DCLRE1A: variants seen among roughly 807,000 people sequenced by gnomAD.
DCLRE1A encodes DNA cross-link repair 1A protein.
A neutral mutation model predicts 91.9 loss-of-function variants in DCLRE1A; 64 were observed. That is an observed-to-expected ratio of 0.70 (90% CI 0.57 to 0.86). The LOEUF is 0.86. Among genes scored for constraint, DCLRE1A ranks in the 40% least tolerant of loss-of-function variants. DCLRE1A has a pLI of 0.00. For synonymous variants in DCLRE1A, 416 were observed against 431.1 expected (o/e 0.96, Z 0.43); for missense variants, 1,145 against 1,213.3 (o/e 0.94, Z 0.84).
chr10:113,835,920 C>A (rs564266974), intron 8 of DCLRE1A, among the ~76,000 whole-genome samples: 25 of 152,160 alleles, frequency 1.6e-4, no homozygotes, highest in African/African-American at 5.8e-4. Flanking sequence ...GGCGACACAG[C>A]AAGACTCTTG....
At chr10:113,840,787 T>C (rs578042440) in intron 7 of DCLRE1A, among the ~76,000 whole-genome samples, 2 of 152,270 alleles carry the variant, frequency 1.3e-5, no homozygotes, top group African/African-American at 4.8e-5. Context: ...AATATACAGG[T>C]TTGATGTATT....
At chr10:113,847,358 G>A (rs1564844112) in intron 2 of DCLRE1A, 23 bp from the exon 3 acceptor site, 1 of 1,612,232 alleles carries the variant, frequency 6.2e-7, no homozygotes, top group Non-Finnish European at 8.5e-7. Flanking sequence ...TACCGACACA[G>A]TAGGTTGAGC....
chr10:113,844,232 A>G lies in DCLRE1A; in HGVS notation c.2391T>C (p.Ala797=). The G allele has an allele frequency of 6.2e-7, 1 of 1,614,142 alleles. No homozygotes were observed. Among genetic ancestry groups the G allele is most frequent in the Non-Finnish European group, 8.5e-7 (1 of 1,180,000 alleles). Residue 797 remains alanine (A), a synonymous_variant, in exon 5 of 9, where the codon GCT becomes GCC. Transcript: ENST00000361384. ...VLLDANHCPG[A]VMILFYLPNG... ...TAGGAAGATAAAAGAGGATCATGAC[A>G]GCACCTGGACAGCTGAACACAAATG... is the stretch of plus-strand genomic sequence containing the variant.
rs754152153 is a variant in DCLRE1A at position 113,849,346 on chromosome 10, G to C, written c.1759C>G (p.Pro587Ala). 6.2e-7 allele frequency: 1 copy of C among 1,614,098 alleles called. No individual in the cohort carries two copies. The highest frequency in any genetic ancestry group is 8.5e-7 in the Non-Finnish European group (1 of 1,180,010). ...ESALEGINLN[P>A]VPSPNQKRSS... ...CTCTTTTGATTAGGACTTGGAACTG[G>C]ATTTAAGTTTATCCCTTCTAATGCA... is the stretch of plus-strand genomic sequence containing the variant. Residue 587 changes from proline to alanine, a missense_variant, in exon 2 of 9, where the codon CCA (proline) becomes GCA (alanine). By Grantham distance (27) the Pro-to-Ala change is conservative. Coordinates refer to ENST00000361384, the MANE Select transcript of DCLRE1A (RefSeq NM_014881.5).
chr10:113,845,646 A>G (rs763673870), intron 4 of DCLRE1A, 39 bp downstream of exon 4: 2 of 1,491,712 alleles, frequency 1.3e-6, no homozygotes, highest in Admixed American at 1.7e-5. Context: ...CCTTTTGAAC[A>G]TTTAAAAAAT....
At chr10:113,842,610 TACC>T in intron 5 of DCLRE1A, 122 bp from the exon 6 acceptor site, 1 of 789,984 alleles carries the variant, frequency 1.3e-6, no homozygotes. Flanking sequence ...AATATATTAA[TACC>T]ACAAGTTATC....
At chr10:113,837,266 GATT>G (rs1295641637) in intron 7 of DCLRE1A, 63 bp from the exon 8 acceptor site, 5 of 1,461,918 alleles carry the variant, frequency 3.4e-6, no homozygotes, top group Non-Finnish European at 4.6e-6. Context: ...AAAACAGACT[GATT>G]AAAGATGTTA....
intron 8 of DCLRE1A, 40 bp from the exon 9 acceptor site, chr10:113,835,352 A>G (rs1391286551): frequency 6.6e-7 from 1 of 1,517,520 alleles, no homozygotes. Context: ...CTAAAATCAA[A>G]CTAATTTAAA....
In DCLRE1A at chr10:113,841,436, G is replaced by A; in HGVS notation, c.2790C>T (p.His930=). The change falls in exon 7 of 9, where the codon CAC becomes CAT. Residue 930 remains histidine, a synonymous_variant. Coordinates refer to ENST00000361384, the MANE Select transcript of DCLRE1A (RefSeq NM_014881.5). ...ITTDMCSSLV[H]LLPMMQINFK... is the part of the protein sequence containing the mutation. The stretch of plus-strand genomic sequence containing the variant: ...AATTAATTTGCATCATTGGGAGAAG[G>A]TGAACCAATGAACTGCACATGTCGG... 1.2e-6 allele frequency: 2 copies of A among 1,613,046 alleles called. No individual in the cohort carries two copies. Among genetic ancestry groups the A allele is most frequent in the South Asian group, 2.2e-5 (2 of 90,864 alleles).
At position 113,849,954 on chromosome 10, in the gene DCLRE1A, A is replaced by C; in HGVS notation, c.1151T>G (p.Leu384Trp). ...GLYRFNSLND[L>W]SQPISQNNES... ...ATTATTTTGAGAAATAGGTTGAGAC[A>C]AATCATTTAGACTATTGAATCTATA... The change falls in exon 2 of 9, where the codon TTG (leucine) becomes TGG (tryptophan). Residue 384 changes from leucine (L) to tryptophan (W), a missense_variant. Leu to Trp is a moderately conservative substitution (Grantham distance 61). Coordinates refer to ENST00000361384, the MANE Select transcript of DCLRE1A (RefSeq NM_014881.5). The C allele has an allele frequency of 6.2e-7, 1 of 1,614,166 alleles. No individual in the cohort carries two copies. Among genetic ancestry groups the C allele is most frequent in the Non-Finnish European group, 8.5e-7 (1 of 1,180,036 alleles).
At chr10:113,838,604 T>C (rs1011620523) in intron 7 of DCLRE1A, among the ~76,000 whole-genome samples, 1 of 152,260 alleles carries the variant, frequency 6.6e-6, no homozygotes, top group Non-Finnish European at 1.5e-5. Context: ...AGGAAATTTA[T>C]TAAGAATACT....
chr10:113,851,555 C>T (rs1436885655), intron 1 of DCLRE1A, among the ~76,000 whole-genome samples: 1 of 152,058 alleles, frequency 6.6e-6, no homozygotes, highest in Non-Finnish European at 1.5e-5. Flanking sequence ...ACATTAAATA[C>T]TTATTACATA....
chr10:113,844,169 T>G lies in DCLRE1A; in HGVS notation c.2454A>C (p.Ala818=), dbSNP rs145475739. Residue 818 remains alanine, a synonymous_variant, in exon 5 of 9, where the codon GCA becomes GCC. Transcript: ENST00000361384. ...GAAGAGAACGTTCCATGCTGGGATC[T>G]GCTCTGAAGTCTCCCGTGTGTAATA... ...TVILHTGDFR[A]DPSMERSLLA... 23 of 1,614,090 alleles carry G rather than the reference T, an allele frequency of 1.4e-5. No individual in the cohort carries two copies. In the African/African-American group the frequency reaches 2.8e-4, roughly 20 times the overall value.
At chr10:113,837,321 C>T in intron 7 of DCLRE1A, 118 bp from the exon 8 acceptor site, 1 of 784,494 alleles carries the variant, frequency 1.3e-6, no homozygotes, top group East Asian at 2.8e-5. Context: ...TAAGCATTAG[C>T]TTCAACAACC....
At position 113,853,083 on chromosome 10, in the gene DCLRE1A, A is replaced by C. The variant is rs1450410590; in HGVS notation, c.100T>G (p.Ser34Ala). 1.9e-6 allele frequency: 3 copies of C among 1,611,266 alleles called. No homozygotes were observed. Among genetic ancestry groups the C allele is most frequent in the Non-Finnish European group, 2.5e-6 (3 of 1,179,504 alleles). Residue 34 changes from serine to alanine, a missense_variant, in exon 1 of 9, where the codon TCT becomes GCT. Ser to Ala is a moderately conservative substitution (Grantham distance 99). Coordinates refer to ENST00000361384, the MANE Select transcript of DCLRE1A (RefSeq NM_014881.5). Reference protein sequence around the residue: ...PNNGSKNILKSVEKATDGKYQ... With the variant: ...PNNGSKNILKAVEKATDGKYQ... Reference sequence around the variant, plus strand: ...TTTCCATCTGTTGCTTTTTCAACAGATTTTAGAATATTTTTAGAGCCATTA... The same window carrying C: ...TTTCCATCTGTTGCTTTTTCAACAGCTTTTAGAATATTTTTAGAGCCATTA...
At position 113,852,818 on chromosome 10, in the gene DCLRE1A, C is replaced by G; in HGVS notation, c.365G>C (p.Cys122Ser). ...PKIRPVYDGYCPNCQMPFSSL... is the reference protein window; with the variant it reads ...PKIRPVYDGYSPNCQMPFSSL... ...GGAAAAAGGCATCTGGCAATTTGGA[C>G]AGTATCCATCATAAACTGGACGTAT... Residue 122 changes from cysteine (C) to serine (S), a missense_variant, in exon 1 of 9, where the codon TGT (cysteine) becomes TCT (serine). Cys to Ser is a moderately radical substitution (Grantham distance 112). Coordinates refer to ENST00000361384, the MANE Select transcript of DCLRE1A (RefSeq NM_014881.5). The G allele has an allele frequency of 6.2e-7, 1 of 1,614,174 alleles. No homozygotes were observed. Among genetic ancestry groups the G allele is most frequent in the Non-Finnish European group, 8.5e-7 (1 of 1,180,022 alleles).
Position 113,835,319 on chromosome 10 carries a change from C to CA in DCLRE1A, c.2963-8dup, listed in dbSNP as rs766158602. On this transcript the variant is annotated splice_region_variant and splice_polypyrimidine_tract_variant and intron_variant, in intron 8 of 8. Coordinates refer to ENST00000361384, the MANE Select transcript of DCLRE1A (RefSeq NM_014881.5). ...TGTTCACTGTAAGGAATTCCTGTAA[C>CA]AAAAAATAAACGAATTTGTACACTA... The CA allele has an allele frequency of 2.5e-6, 4 of 1,570,892 alleles. No individual in the cohort carries two copies. The highest frequency in any genetic ancestry group is 2.8e-5 in the African/African-American group (2 of 72,472).
intron 8 of DCLRE1A, among the ~76,000 whole-genome samples, chr10:113,836,754 A>T (rs1394996681): frequency 1.3e-5 from 2 of 152,072 alleles, no homozygotes; most frequent in African/African-American, 4.8e-5. Context: ...TCCCAATCTC[A>T]CATTGTCATC....
chr10:113,847,242 C>G lies in DCLRE1A; in HGVS notation c.2219G>C (p.Gly740Ala). The G allele has an allele frequency of 6.2e-7, 1 of 1,613,588 alleles. No individual in the cohort carries two copies. The highest frequency in any genetic ancestry group is 8.5e-7 in the Non-Finnish European group (1 of 1,179,686). ...TGGAAATGTGAAGTGTTTAGACAAT[C>G]CAGCATAATGATCAGAATGAAAATG... ...LTHFHSDHYA[G>A]LSKHFTFPVY... The change falls in exon 3 of 9, where the codon GGA (glycine) becomes GCA (alanine). Residue 740 changes from glycine to alanine, a missense_variant. Coordinates refer to ENST00000361384, the MANE Select transcript of DCLRE1A (RefSeq NM_014881.5).
Sources: allele counts gnomAD v4.1 joint callset (sites outside exome capture counted in the v4.1 genomes callset), GRCh38; gene constraint gnomAD v4.1.1; transcripts MANE v1.5; gene names NCBI Gene and HGNC (gene_info 2026-07-23, HGNC 2026-07-21).